The following RPRD1A variants were observed in gnomAD, a reference collection of about 807,000 sequenced individuals.
RPRD1A encodes regulation of nuclear pre-mRNA domain containing 1A.
RPRD1A carries 9 observed loss-of-function variants against 37.8 expected under a neutral mutation model. The observed-to-expected ratio is 0.24, with a 90% CI of 0.14 to 0.42. The LOEUF is 0.42. Ranked by LOEUF, RPRD1A falls within the 10% of genes least tolerant of loss-of-function variation. The probability of loss-of-function intolerance (pLI) is 1.00; values close to 1 mark genes in which losing one functional copy is unlikely to be tolerated. For synonymous variants in RPRD1A, 138 were observed against 139.7 expected (o/e 0.99, Z 0.08); for missense variants, 255 against 371.0 (o/e 0.69, Z 2.57).
intron 4 of RPRD1A, 151 bp downstream of exon 4, chr18:36,030,657 T>C (rs1911712041): frequency 3.5e-6 from 2 of 578,914 alleles, no homozygotes; most frequent in Non-Finnish European, 6.1e-6. Context: ...CATAAGCAAT[T>C]TGTTAATGAG....
intron 1 of RPRD1A, among the ~76,000 whole-genome samples, chr18:36,036,248 A>G (rs779849608): frequency 8.6e-5 from 13 of 151,870 alleles, no homozygotes; most frequent in Non-Finnish European, 1.0e-4. Context: ...AATTTTTTAA[A>G]TTTTTTGTAG....
intron 6 of RPRD1A, among the ~76,000 whole-genome samples, chr18:35,998,738 CCT>C (rs1026626556): frequency 6.6e-5 from 10 of 152,284 alleles, no homozygotes; most frequent in South Asian, 2.1e-4. Flanking sequence ...AAACTCTTCC[CCT>C]GTTCTTAGCA....
At chr18:36,001,998 C>T (rs943232280) in intron 6 of RPRD1A, among the ~76,000 whole-genome samples, 40 of 152,156 alleles carry the variant, frequency 2.6e-4, no homozygotes, top group Non-Finnish European at 1.2e-4. Context: ...TGTTACGCTA[C>T]AGGTAAGGTA....
intron 1 of RPRD1A, among the ~76,000 whole-genome samples, chr18:36,045,742 G>A (rs1248243734): frequency 6.6e-6 from 1 of 152,194 alleles, no homozygotes; most frequent in Non-Finnish European, 1.5e-5. Context: ...CTCCTAATGT[G>A]ATGCAACAGA....
At chr18:36,043,162 AATAACT>A (rs34829454) in intron 1 of RPRD1A, among the ~76,000 whole-genome samples, 14,406 of 136,224 alleles carry the variant, frequency 0.11, 942 homozygotes, top group East Asian at 0.24. Flanking sequence ...CACAGTAAAC[AATAACT>A]ATATCTTTGG....
intron 6 of RPRD1A, among the ~76,000 whole-genome samples, chr18:35,996,597 A>T (rs537690065): frequency 6.6e-6 from 1 of 152,224 alleles, no homozygotes; most frequent in Admixed American, 6.5e-5. Context: ...ATGATACGAC[A>T]TTTGCTATTC....
At chr18:36,038,813 T>G (rs1037206069) in intron 1 of RPRD1A, among the ~76,000 whole-genome samples, 2 of 152,186 alleles carry the variant, frequency 1.3e-5, no homozygotes, top group Non-Finnish European at 2.9e-5. Context: ...ATTTTGGAGC[T>G]TTAAGGTTTA....
At chr18:36,048,320 C>T (rs1913110431) in intron 1 of RPRD1A, among the ~76,000 whole-genome samples, 1 of 152,142 alleles carries the variant, frequency 6.6e-6, no homozygotes, top group South Asian at 2.1e-4. Context: ...CCCATCTCAG[C>T]CTCCCAAAGT....
intron 1 of RPRD1A, among the ~76,000 whole-genome samples, chr18:36,039,847 A>AAC (rs1418702031): frequency 1.4e-5 from 2 of 140,172 alleles, no homozygotes; most frequent in African/African-American, 2.7e-5. Context: ...TGAATAAGGA[A>AAC]ACACACACAC....
intron 6 of RPRD1A, chr18:36,025,674 A>C (rs1329316687): frequency 2.0e-5 from 26 of 1,283,336 alleles, no homozygotes; most frequent in African/African-American, 3.0e-5. Flanking sequence ...GCCCATGTCC[A>C]ATATCTGCAA....
intron 6 of RPRD1A, among the ~76,000 whole-genome samples, chr18:36,011,885 T>C (rs143147280): frequency 0.015 from 2,215 of 152,362 alleles, 27 homozygotes; most frequent in South Asian, 0.03. Flanking sequence ...AAGATCAATC[T>C]TGGTCCAAAA....
chr18:36,061,778 A>C (rs1372604671), intron 1 of RPRD1A, among the ~76,000 whole-genome samples: 2 of 152,214 alleles, frequency 1.3e-5, no homozygotes, highest in Non-Finnish European at 1.5e-5. Flanking sequence ...TACATTGGGA[A>C]CACTTACAAC....
chr18:36,033,199 G>A (rs1014237562), intron 2 of RPRD1A, among the ~76,000 whole-genome samples: 1 of 148,882 alleles, frequency 6.7e-6, no homozygotes. Context: ...CTACTTGCGA[G>A]GCTGAAGTAG....
At chr18:36,014,258 T>C (rs1360858366) in intron 6 of RPRD1A, among the ~76,000 whole-genome samples, 1 of 152,200 alleles carries the variant, frequency 6.6e-6, no homozygotes, top group Non-Finnish European at 1.5e-5. Context: ...AAACAGTATG[T>C]TCCCTTTACA....
At chr18:36,016,142 A>T (rs1181562171) in intron 6 of RPRD1A, among the ~76,000 whole-genome samples, 1 of 152,238 alleles carries the variant, frequency 6.6e-6, no homozygotes, top group Admixed American at 6.5e-5. Flanking sequence ...TCCTCCACAG[A>T]GTGGACCAAA....
chr18:36,058,937 T>C (rs1299482397), intron 1 of RPRD1A, among the ~76,000 whole-genome samples: 2 of 152,220 alleles, frequency 1.3e-5, no homozygotes, highest in African/African-American at 2.4e-5. Context: ...AGAGATCTTA[T>C]AAAGATCTGG....
chr18:36,037,075 A>G (rs1292456989), intron 1 of RPRD1A, among the ~76,000 whole-genome samples: 2 of 152,234 alleles, frequency 1.3e-5, no homozygotes, highest in East Asian at 1.9e-4. Flanking sequence ...TGCAAGTTCC[A>G]TACAAATTGG....
chr18:36,014,754 T>C (rs1293799830), intron 6 of RPRD1A, among the ~76,000 whole-genome samples: 1 of 151,436 alleles, frequency 6.6e-6, no homozygotes, highest in Non-Finnish European at 1.5e-5. Flanking sequence ...AGAAAATAAA[T>C]AAATAAATAA....
rs1908725058 is a variant in RPRD1A at position 35,991,655 on chromosome 18, G to T, written c.*1496C>A. 1 of 152,202 alleles carries T rather than the reference G, an allele frequency of 6.6e-6. No homozygotes were observed. Among genetic ancestry groups the T allele is most frequent in the South Asian group, 2.1e-4 (1 of 4,834 alleles). 9.4% of individuals were successfully genotyped at this position (152,202 alleles called of 1,614,324 possible). ...CTTTGGAATAAGCCATGTATTATTA[G>T]TAGTGCATGGATGAGCACTACTTAT... On this transcript the variant is annotated 3_prime_UTR_variant, in exon 7 of 7. Transcript: ENST00000399022.
Sources: gnomAD v4.1 joint callset for allele counts (sites outside exome capture counted in the v4.1 genomes callset) on GRCh38, gnomAD v4.1.1 for gene constraint, MANE v1.5 for transcripts, NCBI Gene and HGNC (gene_info 2026-07-23, HGNC 2026-07-21) for gene names.